Variants in PCGF5 observed in about 807,000 individuals in gnomAD.
PCGF5 encodes polycomb group RING finger protein 5.
PCGF5 carries 9 observed loss-of-function variants against 44.3 expected under a neutral mutation model. The observed-to-expected ratio is 0.20, with a 90% CI of 0.12 to 0.35. The LOEUF is 0.35. Ranked by LOEUF, PCGF5 falls within the 10% of genes least tolerant of loss-of-function variation. PCGF5 has a pLI of 1.00. For missense variants in PCGF5, 146 were observed against 305.3 expected, an observed-to-expected ratio of 0.48 and a Z score of 3.89; for synonymous variants, 95 against 102.5, an observed-to-expected ratio of 0.93 and a Z score of 0.44.
chr10:91,198,581 G>A (rs1325010148), intron 1 of PCGF5, among the ~76,000 whole-genome samples: 7 of 152,146 alleles, frequency 4.6e-5, no homozygotes, highest in Non-Finnish European at 7.3e-5. Flanking sequence ...CTCTCTAGAA[G>A]GCAGACCTGC....
intron 1 of PCGF5, among the ~76,000 whole-genome samples, chr10:91,169,876 A>G (rs553735201): frequency 3.3e-5 from 5 of 152,336 alleles, no homozygotes; most frequent in Admixed American, 1.3e-4. Flanking sequence ...AAGGCTTGCT[A>G]TAAACCTATA....
intron 1 of PCGF5, among the ~76,000 whole-genome samples, chr10:91,205,117 G>A (rs1844321912): frequency 6.6e-6 from 1 of 152,146 alleles, no homozygotes; most frequent in East Asian, 1.9e-4. Context: ...TGTAAATACA[G>A]TTATTTTAAA....
At chr10:91,234,976 C>A (rs538695200) in intron 2 of PCGF5, among the ~76,000 whole-genome samples, 71 of 152,150 alleles carry the variant, frequency 4.7e-4, no homozygotes, top group Non-Finnish European at 8.1e-4. Flanking sequence ...TATTTTTTGT[C>A]CTGTCATAAT....
At chr10:91,210,081 T>C (rs1025495072) in intron 1 of PCGF5, among the ~76,000 whole-genome samples, 1 of 152,356 alleles carries the variant, frequency 6.6e-6, no homozygotes, top group Admixed American at 6.5e-5. Context: ...GGGCAATTTC[T>C]AACATATAAA....
intron 1 of PCGF5, among the ~76,000 whole-genome samples, chr10:91,168,622 A>G (rs1589345892): frequency 6.6e-6 from 1 of 152,112 alleles, no homozygotes; most frequent in South Asian, 2.1e-4. Context: ...AAAAGTGTCA[A>G]TGAAGCTTTC....
rs1316073215 is a variant in PCGF5, at chr10:91,281,185, A to T, written c.*2869A>T. On this transcript the variant is annotated 3_prime_UTR_variant, in exon 10 of 10. Transcript: ENST00000336126. ...ACAAAGTATGAAAAAATAAACTAAA[A>T]TGCTCATTGATGAGGTAATACTCAG... is the stretch of plus-strand genomic sequence containing the variant. 6.6e-6 allele frequency: 1 copy of T among 152,460 alleles called. No homozygotes were observed. Among genetic ancestry groups the T allele is most frequent in the East Asian group, 1.9e-4 (1 of 5,200 alleles). The allele number at this position is 152,460 out of a possible 1,614,324, so 9.4% of individuals were successfully genotyped here.
At chr10:91,187,277 C>A (rs933932596) in intron 1 of PCGF5, among the ~76,000 whole-genome samples, 20 of 152,042 alleles carry the variant, frequency 1.3e-4, no homozygotes, top group African/African-American at 4.3e-4. Flanking sequence ...CACTAATGTG[C>A]AAATCGGTTT....
At chr10:91,268,603 G>C (rs926324273) in intron 8 of PCGF5, among the ~76,000 whole-genome samples, 2 of 152,108 alleles carry the variant, frequency 1.3e-5, no homozygotes, top group African/African-American at 4.8e-5. Context: ...GCCCCGTGGA[G>C]TCTTTCATCT....
At chr10:91,217,681 G>A (rs1844568934), upstream of PCGF5, among the ~76,000 whole-genome samples, 1 of 152,198 alleles carries the variant, frequency 6.6e-6, no homozygotes, top group South Asian at 2.1e-4. Flanking sequence ...GGAATCACCA[G>A]TGGCCACTTC....
chr10:91,161,528 C>G (rs1033669822), upstream of PCGF5, among the ~76,000 whole-genome samples: 1 of 152,222 alleles, frequency 6.6e-6, no homozygotes, highest in East Asian at 1.9e-4. Context: ...GGGTTCATGT[C>G]TACTTTTTCA....
chr10:91,238,665 A>G (rs908095876), intron 2 of PCGF5, among the ~76,000 whole-genome samples: 1 of 115,202 alleles, frequency 8.7e-6, no homozygotes, highest in African/African-American at 3.5e-5. Flanking sequence ...CTTATCTATC[A>G]TCCCTGGGAA....
intron 1 of PCGF5, among the ~76,000 whole-genome samples, chr10:91,222,264 A>T (rs543612536): frequency 2.6e-4 from 40 of 152,300 alleles, no homozygotes; most frequent in Middle Eastern, 3.4e-3. Context: ...ATAGCAGAGG[A>T]TATCAACTTG....
At chr10:91,266,846 T>C (rs1846058017) in intron 8 of PCGF5, among the ~76,000 whole-genome samples, 1 of 152,160 alleles carries the variant, frequency 6.6e-6, no homozygotes, top group Non-Finnish European at 1.5e-5. Flanking sequence ...AATCCAGCTA[T>C]GTCTCACTAC....
At chr10:91,260,606 T>C (rs1262602412) in intron 6 of PCGF5, among the ~76,000 whole-genome samples, 2 of 152,110 alleles carry the variant, frequency 1.3e-5, no homozygotes, top group African/African-American at 4.8e-5. Flanking sequence ...GTGGCACATA[T>C]ACACCATGGA....
At chr10:91,167,379 TAGAG>T (rs1339028976) in intron 1 of PCGF5, among the ~76,000 whole-genome samples, 3 of 152,174 alleles carry the variant, frequency 2.0e-5, no homozygotes, top group Non-Finnish European at 1.5e-5. Context: ...GGAGAACTGT[TAGAG>T]AGGCATAAAG....
intron 2 of PCGF5, among the ~76,000 whole-genome samples, chr10:91,230,288 A>C (rs986420850): frequency 6.6e-6 from 1 of 152,200 alleles, no homozygotes; most frequent in African/African-American, 2.4e-5. Flanking sequence ...AAAAATATTC[A>C]TGGTTAGAAA....
rs753844947 is a variant in PCGF5 at position 91,222,958 on chromosome 10, A to G, written c.87A>G (p.Thr29=). The G allele has an allele frequency of 2.6e-5, 41 of 1,606,814 alleles. No individual in the cohort carries two copies. The South Asian group carries it at 4.1e-4, about 16-fold the overall frequency. Residue 29 remains threonine (T), a synonymous_variant, in exon 2 of 10, where the codon ACA becomes ACG. Coordinates refer to ENST00000336126, the MANE Select transcript of PCGF5 (RefSeq NM_032373.5). ...GTAAAGGGTATCTGATCAAGCCAAC[A>G]ACAGTGACGGAATGCCTCCATACAT... ...YICKGYLIKP[T]TVTECLHTFC...
At chr10:91,234,963 A>C (rs1415220827) in intron 2 of PCGF5, among the ~76,000 whole-genome samples, 1 of 152,150 alleles carries the variant, frequency 6.6e-6, no homozygotes, top group Non-Finnish European at 1.5e-5. Context: ...CAAATTCTTT[A>C]ATTATTTTTT....
At chr10:91,173,199 A>T (rs1267564283) in intron 1 of PCGF5, among the ~76,000 whole-genome samples, 1 of 152,244 alleles carries the variant, frequency 6.6e-6, no homozygotes, top group African/African-American at 2.4e-5. Flanking sequence ...CTTAATTTTT[A>T]AAGTGTTTTG....
Sources: allele counts gnomAD v4.1 joint callset (sites outside exome capture counted in the v4.1 genomes callset), GRCh38; gene constraint gnomAD v4.1.1; transcripts MANE v1.5; gene names NCBI Gene and HGNC (gene_info 2026-07-23, HGNC 2026-07-21).